Variants in LIPC observed in about 807,000 individuals in gnomAD.
LIPC encodes the protein lipase C, hepatic type.
Under a neutral mutation model 50.7 loss-of-function variants are expected in LIPC, and 44 were observed. The observed-to-expected ratio is 0.87, with a 90% CI of 0.68 to 1.11. The LOEUF (loss-of-function observed/expected upper bound fraction) is 1.11. Among genes scored for constraint, LIPC ranks in the 50% most tolerant of loss-of-function variants. The probability of loss-of-function intolerance (pLI) is 0.00; values close to 1 mark genes in which losing one functional copy is unlikely to be tolerated. For synonymous variants in LIPC, 271 were observed against 256.4 expected (o/e 1.06, Z -0.54); for missense variants, 697 against 648.2 (o/e 1.08, Z -0.82).
intron 1 of LIPC, chr15:58,435,420 T>C (rs967768524): frequency 6.8e-5 from 9 of 131,740 alleles, no homozygotes; most frequent in African/African-American, 1.1e-4. Context: ...GTGGGCACTG[T>C]ACAACAGGGG....
chr15:58,507,267 A>G (rs571554886), intron 1 of LIPC, among the ~76,000 whole-genome samples: 1 of 152,180 alleles, frequency 6.6e-6, no homozygotes, highest in Non-Finnish European at 1.5e-5. Flanking sequence ...AGAGAAATAT[A>G]CTTTTCTTTT....
At chr15:58,451,774 G>C (rs1353283605) in intron 1 of LIPC, among the ~76,000 whole-genome samples, 1 of 152,158 alleles carries the variant, frequency 6.6e-6, no homozygotes, top group Non-Finnish European at 1.5e-5. Flanking sequence ...AGGCAAGGGC[G>C]GCTCCTGCTT....
At chr15:58,446,519 C>T (rs1362524292) in intron 1 of LIPC, among the ~76,000 whole-genome samples, 1 of 152,206 alleles carries the variant, frequency 6.6e-6, no homozygotes. Context: ...CCTCCTGTTG[C>T]CCTGTTTGCT....
At chr15:58,563,855 C>T in intron 8 of LIPC, 132 bp downstream of exon 8, 2 of 810,848 alleles carry the variant, frequency 2.5e-6, no homozygotes, top group East Asian at 2.7e-5. Context: ...TACAGAAGCT[C>T]AGAAAGGTGA....
At chr15:58,439,888 C>T (rs191908822) in intron 1 of LIPC, among the ~76,000 whole-genome samples, 1 of 152,074 alleles carries the variant, frequency 6.6e-6, no homozygotes, top group Admixed American at 6.5e-5. Context: ...AGAGAAAAAA[C>T]AAAAGAACCA....
chr15:58,439,178 T>C (rs367564183), intron 1 of LIPC, among the ~76,000 whole-genome samples: 109 of 152,326 alleles, frequency 7.2e-4, no homozygotes, highest in African/African-American at 2.5e-3. Flanking sequence ...GTCCTGTGAT[T>C]ACAACTGTGT....
intron 1 of LIPC, among the ~76,000 whole-genome samples, chr15:58,462,314 T>G (rs1245071566): frequency 6.6e-6 from 1 of 152,150 alleles, no homozygotes; most frequent in East Asian, 1.9e-4. Context: ...ATTGATTGAT[T>G]GGATCAAATG....
intron 1 of LIPC, among the ~76,000 whole-genome samples, chr15:58,502,211 G>A (rs1257990091): frequency 6.6e-6 from 1 of 152,114 alleles, no homozygotes; most frequent in Non-Finnish European, 1.5e-5. Flanking sequence ...CCGTTCCCCA[G>A]ATGCCCCCTC....
At chr15:58,503,945 G>C (rs1040495500) in intron 1 of LIPC, among the ~76,000 whole-genome samples, 27 of 152,100 alleles carry the variant, frequency 1.8e-4, no homozygotes, top group African/African-American at 1.7e-4. Context: ...CACCAGTCCC[G>C]TTTCCTCAGA....
intron 1 of LIPC, among the ~76,000 whole-genome samples, chr15:58,478,245 G>A (rs1413418370): frequency 1.3e-5 from 2 of 152,012 alleles, no homozygotes; most frequent in Non-Finnish European, 2.9e-5. Flanking sequence ...TTTTTTGTTA[G>A]TTTGTTTGTT....
chr15:58,438,612 G>A (rs562926627), intron 1 of LIPC, among the ~76,000 whole-genome samples: 10 of 152,292 alleles, frequency 6.6e-5, no homozygotes, highest in African/African-American at 2.2e-4. Context: ...AAAGGCAGTC[G>A]GGTCTTACAT....
chr15:58,517,349 C>T (rs111627204), intron 1 of LIPC, among the ~76,000 whole-genome samples: 21 of 152,366 alleles, frequency 1.4e-4, no homozygotes, highest in African/African-American at 4.3e-4. Flanking sequence ...AGCTCAACAA[C>T]GTTCTATCAG....
At chr15:58,469,863 G>A (rs1894723095) in intron 1 of LIPC, among the ~76,000 whole-genome samples, 2 of 152,174 alleles carry the variant, frequency 1.3e-5, no homozygotes, top group South Asian at 2.1e-4. Context: ...AGAGAATAGA[G>A]GAGCTGATGG....
At chr15:58,492,896 C>T (rs1215362553) in intron 1 of LIPC, among the ~76,000 whole-genome samples, 14 of 152,118 alleles carry the variant, frequency 9.2e-5, no homozygotes, top group Admixed American at 7.9e-4. Context: ...GGGCCCTGGG[C>T]AAATCTGCAG....
chr15:58,524,479 GA>G (rs1430322347), intron 1 of LIPC, among the ~76,000 whole-genome samples: 1 of 152,222 alleles, frequency 6.6e-6, no homozygotes. Context: ...TGAGTAAAGA[GA>G]AAATGCATTT....
intron 1 of LIPC, among the ~76,000 whole-genome samples, chr15:58,453,905 G>A (rs950863629): frequency 2.6e-5 from 4 of 151,940 alleles, no homozygotes; most frequent in Admixed American, 6.6e-5. Context: ...GAAAAAAAAT[G>A]GATAGAATGT....
chr15:58,489,142 G>A (rs1283536150), intron 1 of LIPC, among the ~76,000 whole-genome samples: 1 of 143,280 alleles, frequency 7.0e-6, no homozygotes, highest in African/African-American at 2.6e-5. Context: ...TATTTGAATA[G>A]CACCAGAAAG....
chr15:58,487,148 C>G (rs1233895115), intron 1 of LIPC, among the ~76,000 whole-genome samples: 1 of 152,222 alleles, frequency 6.6e-6, no homozygotes, highest in East Asian at 1.9e-4. Flanking sequence ...CCCATACTTT[C>G]AAGTACTTAT....
At chr15:58,432,512 G>C (rs1893158795) in intron 1 of LIPC, 1 of 284,744 alleles carries the variant, frequency 3.5e-6, no homozygotes. Context: ...GTCGGGTTGG[G>C]GTTGTCTAAT....
Sources: gnomAD v4.1 joint callset for allele counts (sites outside exome capture counted in the v4.1 genomes callset) on GRCh38, gnomAD v4.1.1 for gene constraint, MANE v1.5 for transcripts, NCBI Gene and HGNC (gene_info 2026-07-23, HGNC 2026-07-21) for gene names.